COBLL1: variants seen among roughly 807,000 people sequenced by gnomAD.
COBLL1 encodes cordon-bleu protein-like 1.
Under a neutral mutation model 94.8 loss-of-function variants are expected in COBLL1, and 50 were observed. That is an observed-to-expected ratio of 0.53 (90% confidence interval 0.42 to 0.67). COBLL1 has a LOEUF of 0.67. Among genes scored for constraint, COBLL1 ranks in the 30% least tolerant of loss-of-function variants. The probability of loss-of-function intolerance (pLI) is 0.00; values close to 1 mark genes in which losing one functional copy is unlikely to be tolerated. For missense variants in COBLL1, 1,362 were observed against 1,348.7 expected, an observed-to-expected ratio of 1.01 and a Z score of -0.15; for synonymous variants, 448 against 473.8, an observed-to-expected ratio of 0.95 and a Z score of 0.71.
At chr2:164,819,734 A>G (rs924101393) in intron 2 of COBLL1, among the ~76,000 whole-genome samples, 3 of 151,904 alleles carry the variant, frequency 2.0e-5, no homozygotes, top group African/African-American at 7.3e-5. Context: ...AAGCTGGGAG[A>G]TTTTTAAAAT....
In COBLL1 at chr2:164,682,721, T is replaced by C. The variant is rs563552467; in HGVS notation, c.*3225A>G. ...CCTGCCGTTTTTAAAATAAGGTTCA[T>C]TTTTATTCATATTAATTCATTTTTC... On this transcript the variant is annotated 3_prime_UTR_variant, in exon 14 of 14. Coordinates refer to ENST00000652658, the MANE Select transcript of COBLL1 (RefSeq NM_001365672.2). The C allele has an allele frequency of 1.4e-4, 22 of 152,254 alleles. No individual in the cohort carries two copies. Among genetic ancestry groups the C allele is most frequent in the African/African-American group, 5.3e-4 (22 of 41,554 alleles). The allele number at this position is 152,254 out of a possible 1,614,324, so 9.4% of individuals were successfully genotyped here. A position where few individuals can be genotyped will look rare whatever the true frequency, so the allele number is the denominator to read the frequency against.
At chr2:164,799,449 G>A (rs1472003025) in intron 2 of COBLL1, among the ~76,000 whole-genome samples, 1 of 152,038 alleles carries the variant, frequency 6.6e-6, no homozygotes, top group Non-Finnish European at 1.5e-5. Flanking sequence ...CATAGATGAA[G>A]GAAATCAAAG....
Position 164,841,554 on chromosome 2 carries a change from G to C in COBLL1, c.-51+156C>G. On this transcript the variant is annotated intron_variant, in intron 1 of 13. Coordinates refer to ENST00000652658, the MANE Select transcript of COBLL1 (RefSeq NM_001365672.2). This position sits in a 1 kb window ranked among gnomAD's most constrained non-coding sequence, Gnocchi z 5.5. The stretch of plus-strand genomic sequence containing the variant: ...GGAGCCGCCGGGGCTGGAAAAGGAG[G>C]AGGAGCGGGGCCGGGCGCACGGGCA... 1 of 741,024 alleles carries C rather than the reference G, an allele frequency of 1.3e-6. No homozygotes were observed. Among genetic ancestry groups the C allele is most frequent in the Non-Finnish European group, 1.7e-6 (1 of 574,266 alleles). The allele number at this position is 741,024 out of a possible 1,614,324, so 45.9% of individuals were successfully genotyped here.
At chr2:164,667,331 A>G (rs565362983) in intron 1 of COBLL1, among the ~76,000 whole-genome samples, 16 of 152,166 alleles carry the variant, frequency 1.1e-4, no homozygotes, top group African/African-American at 3.4e-4. Context: ...GGACGCTCAT[A>G]TTTTTTGGAA....
At chr2:164,803,519 C>G (rs530410985) in intron 2 of COBLL1, among the ~76,000 whole-genome samples, 1 of 151,156 alleles carries the variant, frequency 6.6e-6, no homozygotes. Flanking sequence ...GAGCCGAGAT[C>G]CCGCCACTGC....
At chr2:164,802,321 A>G (rs77664313) in intron 2 of COBLL1, among the ~76,000 whole-genome samples, 11 of 152,360 alleles carry the variant, frequency 7.2e-5, no homozygotes, top group African/African-American at 2.6e-4. Flanking sequence ...GTCCTCTGAT[A>G]ATAGCTTTAA....
In COBLL1 at chr2:164,695,591, C is replaced by T. The variant is rs1296402908; in HGVS notation, c.1801G>A (p.Asp601Asn). ...GAAGGGGTTGTCTGAATTGCTGCAT[C>T]TTTTGTCTTTTCTGCACTGGGTTGA... ...LNQPSAEKTK[D>N]AAIQTTPSCN... is the part of the protein sequence containing the mutation. The change falls in exon 12 of 14, where the codon GAT becomes AAT. Residue 601 changes from aspartate (D) to asparagine (N), a missense_variant. Asp to Asn is a conservative substitution (Grantham distance 23, BLOSUM62 1). Transcript: ENST00000652658. The T allele has an allele frequency of 6.2e-7, 1 of 1,613,916 alleles. No individual in the cohort carries two copies. Among genetic ancestry groups the T allele is most frequent in the Admixed American group, 1.7e-5 (1 of 60,000 alleles).
At chr2:164,754,593 T>C (rs1687297850) in intron 2 of COBLL1, among the ~76,000 whole-genome samples, 1 of 152,092 alleles carries the variant, frequency 6.6e-6, no homozygotes, top group Non-Finnish European at 1.5e-5. Flanking sequence ...ACCAGCAAAC[T>C]AGAGAATGAC....
At chr2:164,700,379 A>G in intron 10 of COBLL1, 143 bp downstream of exon 10, 1 of 546,928 alleles carries the variant, frequency 1.8e-6, no homozygotes, top group East Asian at 2.9e-5. Context: ...TCATTAATAA[A>G]CATTCTTATA....
In COBLL1 at chr2:164,684,095, G is replaced by A. The variant is rs577354467; in HGVS notation, c.*1851C>T. 32 of 152,072 alleles carry A rather than the reference G, an allele frequency of 2.1e-4. No homozygotes were observed. The highest frequency in any genetic ancestry group is 7.2e-4 in the African/African-American group (30 of 41,488). 9.4% of individuals were successfully genotyped at this position (152,072 alleles called of 1,614,324 possible). ...CAACACTTGCTATTTTGAAACTTCC[G>A]TTTTTGCTAATTTGATGTGGTACCT... is the stretch of plus-strand genomic sequence containing the variant. On this transcript the variant is annotated 3_prime_UTR_variant, in exon 14 of 14. Coordinates refer to ENST00000652658, the MANE Select transcript of COBLL1 (RefSeq NM_001365672.2).
intron 2 of COBLL1, among the ~76,000 whole-genome samples, chr2:164,794,810 T>C (rs1264867559): frequency 6.6e-6 from 1 of 152,208 alleles, no homozygotes; most frequent in Non-Finnish European, 1.5e-5. Flanking sequence ...CAGAATGCCT[T>C]CATGTTCTTC....
At chr2:164,818,336 GTA>G (rs1019142778) in intron 2 of COBLL1, among the ~76,000 whole-genome samples, 1 of 88,898 alleles carries the variant, frequency 1.1e-5, no homozygotes, top group African/African-American at 5.7e-5. Flanking sequence ...ATACATATAT[GTA>G]TATATACATA....
At chr2:164,666,718 C>G (rs905367684) in intron 1 of COBLL1, among the ~76,000 whole-genome samples, 9 of 152,192 alleles carry the variant, frequency 5.9e-5, no homozygotes, top group African/African-American at 1.7e-4. Context: ...CAAAAGAACA[C>G]TTTCTTTGCT....
intron 11 of COBLL1, chr2:164,697,660 T>C (rs1208456065): frequency 6.6e-6 from 1 of 152,146 alleles, no homozygotes; most frequent in Non-Finnish European, 1.5e-5. Context: ...AAAACCCTAA[T>C]TTATTGGTTT....
At chr2:164,745,741 A>G (rs910539168) in intron 2 of COBLL1, among the ~76,000 whole-genome samples, 23 of 152,224 alleles carry the variant, frequency 1.5e-4, no homozygotes, top group African/African-American at 5.5e-4. Flanking sequence ...GAATGAATAG[A>G]AACACACAGA....
rs371827575 is a variant in COBLL1, at chr2:164,695,195, T to C, written c.2197A>G (p.Thr733Ala). 4.3e-5 allele frequency: 70 copies of C among 1,613,870 alleles called. No homozygotes were observed. The highest frequency in any genetic ancestry group is 1.9e-4 in the South Asian group (17 of 91,084). Reference protein sequence around the residue: ...REYIPKIGMTTYKIVPPKSLE... With the variant: ...REYIPKIGMTAYKIVPPKSLE... ...GATTTGGGAGGCACTATTTTATAAG[T>C]AGTCATGCCAATTTTGGGTATATAC... The change falls in exon 12 of 14, where the codon ACT (threonine) becomes GCT (alanine). Residue 733 changes from threonine (T) to alanine (A), a missense_variant. Coordinates refer to ENST00000652658, the MANE Select transcript of COBLL1 (RefSeq NM_001365672.2).
At chr2:164,801,028 AG>A (rs1318904878) in intron 2 of COBLL1, among the ~76,000 whole-genome samples, 1 of 152,200 alleles carries the variant, frequency 6.6e-6, no homozygotes, top group Non-Finnish European at 1.5e-5. Context: ...AGCTGGGTGC[AG>A]CAGCTCACAT....
chr2:164,671,120 A>G (rs991188570), intron 1 of COBLL1, among the ~76,000 whole-genome samples: 5 of 152,186 alleles, frequency 3.3e-5, no homozygotes, highest in Admixed American at 6.5e-5. Context: ...ACTCCTTTCT[A>G]TATATAATGC....
In COBLL1 at chr2:164,736,191, A is replaced by G. The variant is rs79307073; in HGVS notation, c.231-6076T>C. Among the ~76,000 whole-genome samples, 102 of 152,280 alleles carry G rather than the reference A, an allele frequency of 6.7e-4. No homozygotes were observed. The East Asian group carries it at 0.018, about 26-fold the overall frequency. ...CTTGTAAGTGCACACCAACAACCCA[A>G]TTACACATACCAGTAATAGTACAGA... On this transcript the variant is annotated intron_variant, in intron 3 of 13. Coordinates refer to ENST00000652658, the MANE Select transcript of COBLL1 (RefSeq NM_001365672.2).
Sources: gnomAD v4.1 joint callset for allele counts (sites outside exome capture counted in the v4.1 genomes callset) on GRCh38, gnomAD v4.1.1 for gene constraint, Gnocchi (gnomAD v3.1) non-coding constraint, MANE v1.5 for transcripts, NCBI Gene and HGNC (gene_info 2026-07-23, HGNC 2026-07-21) for gene names.